REDIC1: variants seen among roughly 807,000 people sequenced by gnomAD.
REDIC1 encodes regulator of DNA class I crossover intermediates 1.
At chr12:39,680,770 A>G in the REDIC1 span, among the ~76,000 whole-genome samples, 10 of 150,948 alleles carry the variant, frequency 6.6e-5, no homozygotes, top group South Asian at 8.4e-4. Context: ...ATACATACGC[A>G]CACACACACA....
the REDIC1 span, among the ~76,000 whole-genome samples, chr12:39,900,148 G>T: frequency 0.42 from 63,932 of 151,798 alleles, 13,862 homozygotes; most frequent in East Asian, 0.76. Context: ...CAACCCTTCA[G>T]GCTAAAAACT....
the REDIC1 span, chr12:39,871,806 C>T: frequency 6.2e-7 from 1 of 1,602,272 alleles, no homozygotes; most frequent in Admixed American, 1.7e-5. Flanking sequence ...ACCTGCTAAA[C>T]TACCAAAGGT....
the REDIC1 span, among the ~76,000 whole-genome samples, chr12:39,663,623 CAATT>C: frequency 6.6e-6 from 1 of 151,984 alleles, no homozygotes; most frequent in Non-Finnish European, 1.5e-5. Flanking sequence ...GTCATGTTAT[CAATT>C]GTCTTCTGGT....
At chr12:39,726,789 A>C in the REDIC1 span, among the ~76,000 whole-genome samples, 5 of 152,200 alleles carry the variant, frequency 3.3e-5, no homozygotes, top group Non-Finnish European at 7.3e-5. Context: ...AACAGTGTAA[A>C]AGCATTCCTA....
chr12:39,749,474 C>T, the REDIC1 span, among the ~76,000 whole-genome samples: 145 of 152,300 alleles, frequency 9.5e-4, 1 homozygote, highest in Middle Eastern at 6.8e-3. Flanking sequence ...GATTCACAGT[C>T]GAATTCTACC....
chr12:39,719,942 C>A, the REDIC1 span, among the ~76,000 whole-genome samples: 1 of 152,002 alleles, frequency 6.6e-6, no homozygotes, highest in Non-Finnish European at 1.5e-5. Context: ...TTTTCAGTGT[C>A]AATCAGCTAA....
chr12:39,754,122 G>A, the REDIC1 span: 1 of 152,118 alleles, frequency 6.6e-6, no homozygotes, highest in Non-Finnish European at 1.5e-5. Context: ...AGGACATAGA[G>A]GGGAAGACTT....
At chr12:39,642,948 A>T in the REDIC1 span, among the ~76,000 whole-genome samples, 1 of 151,802 alleles carries the variant, frequency 6.6e-6, no homozygotes, top group African/African-American at 2.4e-5. Flanking sequence ...GAAAATAAAT[A>T]TGATATGTAA....
the REDIC1 span, among the ~76,000 whole-genome samples, chr12:39,896,318 A>G: frequency 2.7e-4 from 34 of 124,766 alleles, no homozygotes; most frequent in African/African-American, 1.1e-3. Flanking sequence ...ACATATATGT[A>G]TGTATATGTG....
chr12:39,858,710 G>A, the REDIC1 span, among the ~76,000 whole-genome samples: 1 of 152,082 alleles, frequency 6.6e-6, no homozygotes, highest in Non-Finnish European at 1.5e-5. Flanking sequence ...AGGTTCAAGC[G>A]ATTCTCCTGC....
chr12:39,735,530 T>C, the REDIC1 span, among the ~76,000 whole-genome samples: 1 of 152,220 alleles, frequency 6.6e-6, no homozygotes, highest in Non-Finnish European at 1.5e-5. Flanking sequence ...CTTTAATATA[T>C]AAAGAAGCCA....
the REDIC1 span, among the ~76,000 whole-genome samples, chr12:39,750,990 A>G: frequency 3.9e-5 from 6 of 152,202 alleles, no homozygotes; most frequent in Non-Finnish European, 8.8e-5. Flanking sequence ...ACCATTCAGG[A>G]CATAGGCATG....
chr12:39,647,651 ACTGATGGGTTGCCTTGC>A, the REDIC1 span: 4 of 535,498 alleles, frequency 7.5e-6, no homozygotes, highest in Non-Finnish European at 1.2e-5. Flanking sequence ...TCTGTCAATT[ACTGATGGGTTGCCTTGC>A]CTTAGGACAT....
chr12:39,671,724 G>T, the REDIC1 span, among the ~76,000 whole-genome samples: 2 of 152,034 alleles, frequency 1.3e-5, no homozygotes, highest in African/African-American at 4.8e-5. Context: ...TGTGTGTGTG[G>T]GTGCTGGCAG....
the REDIC1 span, among the ~76,000 whole-genome samples, chr12:39,824,930 G>T: frequency 6.6e-6 from 1 of 152,116 alleles, no homozygotes; most frequent in Non-Finnish European, 1.5e-5. Context: ...CATAGAGACA[G>T]GAAATTATAA....
At chr12:39,713,329 C>A in the REDIC1 span, among the ~76,000 whole-genome samples, 1 of 141,882 alleles carries the variant, frequency 7.0e-6, no homozygotes, top group Admixed American at 7.0e-5. Flanking sequence ...TGTGTATACA[C>A]ATATACGTGT....
chr12:39,720,654 T>C, the REDIC1 span: 1 of 733,038 alleles, frequency 1.4e-6, no homozygotes. Context: ...CTTTGATTTG[T>C]AACTTGCCAA....
chr12:39,647,788 A>G, the REDIC1 span: 4 of 1,496,282 alleles, frequency 2.7e-6, no homozygotes, highest in South Asian at 1.4e-5. Context: ...CTTCTTTCCT[A>G]TAGTCACAAG....
At chr12:39,723,784 A>AT in the REDIC1 span, among the ~76,000 whole-genome samples, 3 of 152,020 alleles carry the variant, frequency 2.0e-5, no homozygotes, top group African/African-American at 4.8e-5. Context: ...GAAACAGTAC[A>AT]TTTTTTTGGT....
Sources: gnomAD v4.1 joint callset for allele counts (sites outside exome capture counted in the v4.1 genomes callset) on GRCh38, gnomAD v4.1.1 for gene constraint, MANE v1.5 for transcripts, NCBI Gene and HGNC (gene_info 2026-07-23, HGNC 2026-07-21) for gene names.